BCO2: variants seen among roughly 807,000 people sequenced by gnomAD.
BCO2 encodes beta-carotene oxygenase 2.
Under a neutral mutation model 65.8 loss-of-function variants are expected in BCO2, and 56 were observed. The ratio of observed to expected loss-of-function variants is 0.85; its 90% CI spans 0.69 to 1.06. BCO2 has a LOEUF of 1.06. BCO2 is among the 50% of genes least tolerant of loss of function. BCO2 has a pLI of 0.00. For missense variants in BCO2, 675 were observed against 698.5 expected (o/e 0.97, Z 0.38); for synonymous variants, 233 against 242.3 (o/e 0.96, Z 0.36).
chr11:112,196,526 C>G (rs1867578783), intron 5 of BCO2, among the ~76,000 whole-genome samples: 1 of 152,100 alleles, frequency 6.6e-6, no homozygotes, highest in African/African-American at 2.4e-5. Flanking sequence ...GTTTTTAATA[C>G]TTATTTAAAA....
At position 112,202,037 on chromosome 11, in the gene BCO2, A is replaced by AT. The variant is rs764638435; in HGVS notation, c.1042dup (p.Tyr348LeufsTer16). ...TTCCCCTGCAGCTCCTTCCAGGGAG[A>AT]TACTACAGCAAACCTTTTGTTACAT... On this transcript the variant is annotated frameshift_variant, in exon 8 of 12. Coordinates refer to ENST00000357685, the MANE Select transcript of BCO2 (RefSeq NM_031938.7). LOFTEE classifies it high-confidence loss of function. 1 of 1,593,250 alleles carries AT rather than the reference A, an allele frequency of 6.3e-7. No individual in the cohort carries two copies. The highest frequency in any genetic ancestry group is 8.5e-7 in the Non-Finnish European group (1 of 1,171,828).
chr11:112,212,705 C>T (rs1859545229), intron 8 of BCO2, among the ~76,000 whole-genome samples: 1 of 152,150 alleles, frequency 6.6e-6, no homozygotes, highest in African/African-American at 2.4e-5. Context: ...CCCACCCAAG[C>T]CTGCTTGTCC....
chr11:112,181,394 G>C (rs1394989805), intron 2 of BCO2: 1 of 553,760 alleles, frequency 1.8e-6, no homozygotes, highest in African/African-American at 1.9e-5. Flanking sequence ...TTTTAGCTGG[G>C]ATGGTCTCGA....
At chr11:112,179,561 C>A in intron 2 of BCO2, 79 bp downstream of exon 2, 2 of 1,245,346 alleles carry the variant, frequency 1.6e-6, no homozygotes, top group Non-Finnish European at 2.3e-6. Flanking sequence ...TATCTGCTTC[C>A]TCTGTGAGGT....
chr11:112,200,503 T>G, intron 6 of BCO2, 110 bp from the exon 7 acceptor site: 1 of 905,152 alleles, frequency 1.1e-6, no homozygotes, highest in Non-Finnish European at 1.7e-6. Flanking sequence ...GGCATTTGTT[T>G]AGGGCATCAG....
chr11:112,200,940 G>A (rs982301696), intron 7 of BCO2, among the ~76,000 whole-genome samples, 167 bp downstream of exon 7: 4 of 152,020 alleles, frequency 2.6e-5, no homozygotes, highest in Non-Finnish European at 4.4e-5. Flanking sequence ...TAATTAGTAC[G>A]ATGGATTTTG....
chr11:112,214,104 A>C (rs547185010), intron 9 of BCO2, among the ~76,000 whole-genome samples: 1 of 152,030 alleles, frequency 6.6e-6, no homozygotes, highest in African/African-American at 2.4e-5. Flanking sequence ...TGGAATGTCT[A>C]TCCATTTGAG....
chr11:112,177,575 A>G (rs909687024), intron 1 of BCO2, among the ~76,000 whole-genome samples: 1 of 152,244 alleles, frequency 6.6e-6, no homozygotes, highest in Non-Finnish European at 1.5e-5. Flanking sequence ...ATTACACCTT[A>G]TTGGACTGAT....
Position 112,193,710 on chromosome 11 carries a change from AT to A in BCO2, c.517+15del. ...GGTAAAGCTGCAGGTGATAGTGATGATTATTTAAACTATTACGATATATAAC... is the reference window on the plus strand; with the variant it reads ...GGTAAAGCTGCAGGTGATAGTGATGATATTTAAACTATTACGATATATAAC... On this transcript the variant is annotated intron_variant, in intron 3 of 11. Coordinates refer to ENST00000357685, the MANE Select transcript of BCO2 (RefSeq NM_031938.7). 6.2e-7 allele frequency: 1 copy of A among 1,604,130 alleles called. No homozygotes were observed.
chr11:112,180,289 T>C (rs1476413288), intron 2 of BCO2, among the ~76,000 whole-genome samples: 2 of 152,184 alleles, frequency 1.3e-5, no homozygotes, highest in African/African-American at 4.8e-5. Flanking sequence ...CTCAAGAGAT[T>C]GGTTGAATCC....
At chr11:112,206,842 C>G (rs1055476873) in intron 8 of BCO2, among the ~76,000 whole-genome samples, 2 of 152,176 alleles carry the variant, frequency 1.3e-5, no homozygotes, top group African/African-American at 2.4e-5. Flanking sequence ...AATCCATGAA[C>G]ATGGAATATC....
At chr11:112,193,729 T>C (rs1867474208) in intron 3 of BCO2, 32 bp downstream of exon 3, 12 of 1,585,036 alleles carry the variant, frequency 7.6e-6, no homozygotes, top group Non-Finnish European at 8.6e-6. Context: ...ACTATTACGA[T>C]ATATAACCAT....
intron 5 of BCO2, among the ~76,000 whole-genome samples, chr11:112,195,630 A>G (rs1420691111): frequency 6.7e-6 from 1 of 150,216 alleles, no homozygotes; most frequent in East Asian, 2.0e-4. Flanking sequence ...TTTAGTAGAG[A>G]CGGGTTTTCA....
intron 1 of BCO2, among the ~76,000 whole-genome samples, chr11:112,177,616 A>AT (rs1428015011): frequency 2.0e-5 from 3 of 152,230 alleles, no homozygotes; most frequent in Non-Finnish European, 2.9e-5. Context: ...TAATAATAGC[A>AT]TTTTTTGAGT....
chr11:112,215,216 T>G, intron 10 of BCO2: 1 of 420,268 alleles, frequency 2.4e-6, no homozygotes, highest in Admixed American at 4.1e-5. Context: ...GACACCTATA[T>G]TTAAAGTTGA....
intron 8 of BCO2, among the ~76,000 whole-genome samples, chr11:112,207,973 A>G: frequency 9.3e-6 from 1 of 107,350 alleles, no homozygotes; most frequent in East Asian, 2.7e-4. Flanking sequence ...TTTTTTTTTG[A>G]GACAGTGTGA....
rs143564179 is a variant in BCO2, at chr11:112,202,053, T to A, written c.1057T>A (p.Phe353Ile). Residue 353 changes from phenylalanine to isoleucine, a missense_variant, in exon 8 of 12, where the codon TTT becomes ATT. By Grantham distance (21) the Phe-to-Ile change is conservative (BLOSUM62 0). Coordinates refer to ENST00000357685, the MANE Select transcript of BCO2 (RefSeq NM_031938.7). ...TCCAGGGAGATACTACAGCAAACCT[T>A]TTGTTACATTTCATCAAATCAATGC... ...LLPGRYYSKP[F>I]VTFHQINAFE... The A allele has an allele frequency of 1.2e-6, 2 of 1,609,220 alleles. No individual in the cohort carries two copies. The highest frequency in any genetic ancestry group is 1.7e-6 in the Non-Finnish European group (2 of 1,177,970).
At chr11:112,185,123 T>G (rs1469380522) in intron 2 of BCO2, among the ~76,000 whole-genome samples, 3 of 152,224 alleles carry the variant, frequency 2.0e-5, no homozygotes, top group Non-Finnish European at 2.9e-5. Flanking sequence ...ATAATCAATA[T>G]GTGCCTAAAT....
At chr11:112,213,601 GA>G in intron 8 of BCO2, 122 bp from the exon 9 acceptor site, 2 of 1,079,816 alleles carry the variant, frequency 1.9e-6, no homozygotes, top group Non-Finnish European at 2.7e-6. Flanking sequence ...GTAGATGAAT[GA>G]ATGGAAATTA....
Sources: allele counts gnomAD v4.1 joint callset (sites outside exome capture counted in the v4.1 genomes callset), GRCh38; gene constraint gnomAD v4.1.1; transcripts MANE v1.5; gene names NCBI Gene and HGNC (gene_info 2026-07-23, HGNC 2026-07-21).